Variants in NVL observed in about 807,000 individuals in gnomAD.
NVL encodes nuclear VCP like.
In NVL, 84 loss-of-function variants were observed where a neutral mutation model predicts 110.2. The ratio of observed to expected loss-of-function variants is 0.76; its 90% CI spans 0.64 to 0.91. The LOEUF is 0.91. Among genes scored for constraint, NVL ranks in the 40% least tolerant of loss-of-function variants. The pLI, the probability that NVL is intolerant of heterozygous loss-of-function variation, is 0.00. For missense variants in NVL, 882 were observed against 1,035.9 expected (o/e 0.85, Z 2.04); for synonymous variants, 354 against 361.1 (o/e 0.98, Z 0.22).
At chr1:224,269,474 A>C (rs1278222429) in intron 17 of NVL, among the ~76,000 whole-genome samples, 1 of 152,196 alleles carries the variant, frequency 6.6e-6, no homozygotes, top group Non-Finnish European at 1.5e-5. Flanking sequence ...CAACACATAC[A>C]AGAGTATCTG....
chr1:224,295,469 A>G (rs1667790249), intron 11 of NVL, among the ~76,000 whole-genome samples: 1 of 151,920 alleles, frequency 6.6e-6, no homozygotes. Context: ...CAAAGTGCTA[A>G]GATTACAGGC....
chr1:224,289,387 G>A, intron 13 of NVL, 97 bp downstream of exon 13: 1 of 1,286,510 alleles, frequency 7.8e-7, no homozygotes, highest in Non-Finnish European at 1.1e-6. Context: ...CAATAAAACA[G>A]AAAGTAATGA....
intron 4 of NVL, among the ~76,000 whole-genome samples, chr1:224,314,832 G>A (rs1388868215): frequency 6.6e-6 from 1 of 151,954 alleles, no homozygotes; most frequent in East Asian, 1.9e-4. Context: ...TTAGTAAATC[G>A]AATCCAATTA....
At chr1:224,273,030 T>A (rs1202163456) in intron 17 of NVL, among the ~76,000 whole-genome samples, 3 of 95,988 alleles carry the variant, frequency 3.1e-5, no homozygotes, top group African/African-American at 3.8e-5. Context: ...CGAGACTCCG[T>A]CTCAAAAAAA....
intron 4 of NVL, among the ~76,000 whole-genome samples, chr1:224,314,919 G>A (rs1319643333): frequency 3.3e-5 from 5 of 152,092 alleles, no homozygotes; most frequent in Admixed American, 6.5e-5. Context: ...GCTGAGGCAG[G>A]AGAATGGCTT....
At chr1:224,293,148 C>T (rs1176256770) in intron 12 of NVL, among the ~76,000 whole-genome samples, 1 of 151,438 alleles carries the variant, frequency 6.6e-6, no homozygotes, top group Admixed American at 6.6e-5. Flanking sequence ...CGGCTCACTG[C>T]AAGCTCCGCC....
At chr1:224,298,959 A>G (rs1668140797) in intron 10 of NVL, among the ~76,000 whole-genome samples, 1 of 152,192 alleles carries the variant, frequency 6.6e-6, no homozygotes, top group South Asian at 2.1e-4. Context: ...CAAAAAAGAG[A>G]TAAGGATCAG....
In NVL at chr1:224,321,113, A is replaced by C. The variant is rs34365212; in HGVS notation, c.132-3183T>G. On this transcript the variant is annotated intron_variant, in intron 2 of 22. Coordinates refer to ENST00000281701, the MANE Select transcript of NVL (RefSeq NM_002533.4). ...AAAAAATACAAAGAATCAGCGGGGC[A>C]TGGTGGCATGTGCCTTAGTTCCAGC... 3.7e-3 allele frequency among the ~76,000 whole-genome samples: 559 copies of C among 152,098 alleles called. 4 individuals carry two copies. The highest frequency in any genetic ancestry group is 0.01 in the Middle Eastern group (3 of 294).
At chr1:224,243,773 T>C (rs1033206579) in intron 19 of NVL, among the ~76,000 whole-genome samples, 4 of 151,030 alleles carry the variant, frequency 2.6e-5, no homozygotes, top group African/African-American at 9.7e-5. Context: ...GAGATTCTCC[T>C]GCCTTAGTCT....
At chr1:224,261,078 G>A (rs1663925971) in intron 18 of NVL, among the ~76,000 whole-genome samples, 1 of 152,104 alleles carries the variant, frequency 6.6e-6, no homozygotes, top group South Asian at 2.1e-4. Flanking sequence ...GTTTCACCAT[G>A]TTGGCCAGGC....
Position 224,314,257 on chromosome 1 carries a change from A to G in NVL, c.285-2400T>C, listed in dbSNP as rs537922751. Among the ~76,000 whole-genome samples, 4 of 152,370 alleles carry G rather than the reference A, an allele frequency of 2.6e-5. No homozygotes were observed. The East Asian group carries it at 7.7e-4, about 29-fold the overall frequency. ...AAGTGATGTGTACAAAGATATATGC[A>G]GTAAAGCAGTAAAGAGTTATTTATT... On this transcript the variant is annotated intron_variant, in intron 4 of 22. Transcript: ENST00000281701.
intron 13 of NVL, among the ~76,000 whole-genome samples, chr1:224,288,886 T>A (rs1288019996): frequency 2.0e-5 from 3 of 152,232 alleles, no homozygotes; most frequent in Non-Finnish European, 4.4e-5. Context: ...AATACCGATC[T>A]TGGACTGATA....
intron 1 of NVL, among the ~76,000 whole-genome samples, chr1:224,328,710 A>T (rs1671390977): frequency 6.6e-6 from 1 of 152,182 alleles, no homozygotes. Flanking sequence ...ATGATCCTTA[A>T]GGTTTTTGGC....
At chr1:224,247,298 T>C (rs1274251074) in intron 19 of NVL, among the ~76,000 whole-genome samples, 1 of 151,854 alleles carries the variant, frequency 6.6e-6, no homozygotes, top group East Asian at 1.9e-4. Context: ...CTCGACTTCT[T>C]GGGGTTAAGC....
chr1:224,299,757 G>A (rs961857099), intron 10 of NVL, among the ~76,000 whole-genome samples: 3 of 152,038 alleles, frequency 2.0e-5, no homozygotes, highest in Admixed American at 6.6e-5. Context: ...TATCCTCCTA[G>A]TGTTGCCCAC....
At chr1:224,240,042 T>C (rs946990602) in intron 19 of NVL, among the ~76,000 whole-genome samples, 24 of 148,738 alleles carry the variant, frequency 1.6e-4, no homozygotes, top group African/African-American at 3.5e-4. Flanking sequence ...ATTACAGGCA[T>C]GCGCTACCAC....
intron 15 of NVL, among the ~76,000 whole-genome samples, chr1:224,283,050 C>G (rs1215290665): frequency 6.6e-6 from 1 of 152,090 alleles, no homozygotes; most frequent in Non-Finnish European, 1.5e-5. Context: ...CTTGGAGAAC[C>G]TGATGAAAGG....
At position 224,281,155 on chromosome 1, in the gene NVL, T is replaced by G. The variant is rs147736516; in HGVS notation, c.1930A>C (p.Ile644Leu). 1.0e-4 allele frequency: 167 copies of G among 1,613,870 alleles called. No homozygotes were observed. Among genetic ancestry groups the G allele is most frequent in the Middle Eastern group, 4.9e-4 (3 of 6,084 alleles). ...AVANESGLNF[I>L]SVKGPELLNM... is the part of the protein sequence containing the mutation. ...AGTAATTCGGGGCCCTTGACAGATA[T>G]AAAATTTAGTCCGGACTCATTTGCA... is the stretch of plus-strand genomic sequence containing the variant. Residue 644 changes from isoleucine to leucine, a missense_variant, in exon 16 of 23, where the codon ATA becomes CTA. Ile to Leu is a conservative substitution (Grantham distance 5). Around this residue, in one of 4 missense-constraint regions of NVL, gnomAD observed 416 missense variants for 499.3 expected, o/e 0.83. Coordinates refer to ENST00000281701, the MANE Select transcript of NVL (RefSeq NM_002533.4).
chr1:224,294,528 A>G, intron 11 of NVL, 117 bp from the exon 12 acceptor site: 1 of 937,550 alleles, frequency 1.1e-6, no homozygotes. Context: ...AGCAACATAC[A>G]TATAAAACCA....
Sources: allele counts gnomAD v4.1 joint callset (sites outside exome capture counted in the v4.1 genomes callset), GRCh38; gene constraint gnomAD v4.1.1; regional missense constraint gnomAD v4.1.1; transcripts MANE v1.5; gene names NCBI Gene and HGNC (gene_info 2026-07-23, HGNC 2026-07-21).